MKX: variants seen among roughly 807,000 people sequenced by gnomAD.
The protein encoded by MKX is homeobox protein Mohawk.
A neutral mutation model predicts 36.0 loss-of-function variants in MKX; 13 were observed. The ratio of observed to expected loss-of-function variants is 0.36; its 90% CI spans 0.24 to 0.57. MKX has a LOEUF of 0.57. Among genes scored for constraint, MKX ranks in the 20% least tolerant of loss-of-function variants. The pLI is 0.79. For synonymous variants in MKX, 176 were observed against 178.3 expected, an observed-to-expected ratio of 0.99 and a Z score of 0.10; for missense variants, 458 against 456.4, an observed-to-expected ratio of 1.00 and a Z score of -0.03.
intron 5 of MKX, among the ~76,000 whole-genome samples, chr10:27,685,119 C>T (rs1836319145): frequency 6.6e-6 from 1 of 152,144 alleles, no homozygotes; most frequent in African/African-American, 2.4e-5. Flanking sequence ...GACTCAGTGC[C>T]AGGTCCCCTG....
chr10:27,739,125 T>C (rs1334550037), intron 3 of MKX, among the ~76,000 whole-genome samples: 1 of 152,116 alleles, frequency 6.6e-6, no homozygotes, highest in Non-Finnish European at 1.5e-5. Context: ...TACTCATTAC[T>C]CCTTGATAAG....
At position 27,673,434 on chromosome 10, in the gene MKX, T is replaced by C. The variant is rs1725678521; in HGVS notation, c.*1795A>G. 1.3e-5 allele frequency: 2 copies of C among 152,564 alleles called. No individual in the cohort carries two copies. The highest frequency in any genetic ancestry group is 4.1e-4 in the South Asian group (2 of 4,836). The allele number at this position is 152,564 out of a possible 1,614,324, so 9.5% of individuals were successfully genotyped here. On this transcript the variant is annotated 3_prime_UTR_variant, in exon 7 of 7. Coordinates refer to ENST00000419761, the MANE Select transcript of MKX (RefSeq NM_173576.3). Reference sequence around the variant, plus strand: ...TAATAGTATGAAAAAGAGTGAAGTATTTGTCTTTAGTTTTCATTGACATGC... The same window carrying C: ...TAATAGTATGAAAAAGAGTGAAGTACTTGTCTTTAGTTTTCATTGACATGC...
chr10:27,700,974 AT>A (rs1836641054), intron 5 of MKX, among the ~76,000 whole-genome samples: 1 of 152,150 alleles, frequency 6.6e-6, no homozygotes, highest in Non-Finnish European at 1.5e-5. Flanking sequence ...GTATATACCT[AT>A]TTTATTATTG....
chr10:27,709,037 T>C (rs1437103517), intron 5 of MKX, among the ~76,000 whole-genome samples: 1 of 151,164 alleles, frequency 6.6e-6, no homozygotes, highest in Non-Finnish European at 1.5e-5. Flanking sequence ...GGCATGGTGG[T>C]GGCTGCCTGT....
rs1184712843 is a variant in MKX, at chr10:27,741,405, C to G, written c.288G>C (p.Pro96=). 6.2e-7 allele frequency: 1 copy of G among 1,613,046 alleles called. No individual in the cohort carries two copies. Among genetic ancestry groups the G allele is most frequent in the Non-Finnish European group, 8.5e-7 (1 of 1,179,608 alleles). Residue 96 remains proline (P), a synonymous_variant, in exon 3 of 7, where the codon CCG becomes CCC. Transcript: ENST00000419761. This position sits in a 1 kb window ranked among gnomAD's most constrained non-coding sequence, Gnocchi z 5.1. ...GTATCTTCTCGGTCTTGGTGGGGTA[C>G]GGGTTGTCACGGTGCTTGTAAAGCC... is the stretch of plus-strand genomic sequence containing the variant. The part of the protein sequence containing the change: ...KQWLYKHRDN[P]YPTKTEKILL...
rs541250489 is a variant in MKX, at chr10:27,741,592, A to T, written c.189-88T>A. 1.4e-6 allele frequency: 2 copies of T among 1,434,562 alleles called. No homozygotes were observed. Among genetic ancestry groups the T allele is most frequent in the African/African-American group, 2.9e-5 (2 of 69,860 alleles). 88.9% of individuals were successfully genotyped at this position (1,434,562 alleles called of 1,614,324 possible). On this transcript the variant is annotated intron_variant, in intron 2 of 6. Transcript: ENST00000419761. This position sits in a 1 kb window ranked among gnomAD's most constrained non-coding sequence, Gnocchi z 5.1. ...CGCCCCGGCCAAGCCCGGGCCCCGC[A>T]TCCAAACTGCGCATTCCTGCCTTGC...
rs549929669 is a variant in MKX at position 27,701,512 on chromosome 10, A to G, written c.839-25958T>C. On this transcript the variant is annotated intron_variant, in intron 5 of 6. Transcript: ENST00000419761. ...ATATAATATAATATATAAAAGATAT[A>G]TTATATTTAATATCTTTGTATGTTT... Among the ~76,000 whole-genome samples, 8 of 145,754 alleles carry G rather than the reference A, an allele frequency of 5.5e-5. No homozygotes were observed. In the South Asian group the frequency reaches 1.1e-3, roughly 19 times the overall value.
chr10:27,701,811 T>TTG (rs558843357), intron 5 of MKX, among the ~76,000 whole-genome samples: 70 of 74,762 alleles, frequency 9.4e-4, no homozygotes, highest in African/African-American at 2.4e-3. Flanking sequence ...TACAGTTATT[T>TTG]TGTGTGTGTG....
intron 5 of MKX, among the ~76,000 whole-genome samples, chr10:27,710,237 C>G (rs1262979878): frequency 6.6e-6 from 1 of 152,164 alleles, no homozygotes; most frequent in East Asian, 1.9e-4. Context: ...TATAGCATTC[C>G]TGTGGAAGCA....
intron 5 of MKX, among the ~76,000 whole-genome samples, chr10:27,724,047 TC>T (rs1834434988): frequency 6.6e-6 from 1 of 152,226 alleles, no homozygotes; most frequent in Non-Finnish European, 1.5e-5. Flanking sequence ...GTTCTGTTTT[TC>T]CATTTTAATT....
intron 5 of MKX, among the ~76,000 whole-genome samples, chr10:27,725,276 G>A (rs954609736): frequency 2.6e-5 from 4 of 152,232 alleles, no homozygotes; most frequent in African/African-American, 7.2e-5. Flanking sequence ...TTAGTACAAT[G>A]AAACAGAGAA....
intron 5 of MKX, among the ~76,000 whole-genome samples, chr10:27,700,262 A>C (rs1191849254): frequency 6.6e-6 from 1 of 152,240 alleles, no homozygotes; most frequent in Non-Finnish European, 1.5e-5. Context: ...TTCAGGCAAC[A>C]TTTATTTCAG....
At chr10:27,717,290 A>G (rs909182688) in intron 5 of MKX, among the ~76,000 whole-genome samples, 6 of 152,208 alleles carry the variant, frequency 3.9e-5, no homozygotes, top group Non-Finnish European at 5.9e-5. Context: ...GGGCTCATAA[A>G]TGGGTGCTGT....
At chr10:27,725,425 C>A (rs1048442834) in intron 5 of MKX, among the ~76,000 whole-genome samples, 3 of 152,028 alleles carry the variant, frequency 2.0e-5, no homozygotes, top group East Asian at 1.9e-4. Context: ...GCAAAGTGAA[C>A]ACATTTATTA....
At chr10:27,696,607 T>A (rs996062600) in intron 5 of MKX, among the ~76,000 whole-genome samples, 2 of 152,116 alleles carry the variant, frequency 1.3e-5, no homozygotes, top group African/African-American at 4.8e-5. Flanking sequence ...TTGGAGAAGG[T>A]CACTTAAATT....
chr10:27,682,507 C>T (rs1836271004), intron 5 of MKX, among the ~76,000 whole-genome samples: 1 of 152,190 alleles, frequency 6.6e-6, no homozygotes, highest in African/African-American at 2.4e-5. Context: ...AAGCTCTGTT[C>T]ATGGTAAGTG....
chr10:27,741,647 TG>T lies in MKX; in HGVS notation c.189-144del, dbSNP rs1834901241. 2 of 940,098 alleles carry T rather than the reference TG, an allele frequency of 2.1e-6. No individual in the cohort carries two copies. The highest frequency in any genetic ancestry group is 3.0e-6 in the Non-Finnish European group (2 of 656,158). 58.2% of individuals were successfully genotyped at this position (940,098 alleles called of 1,614,324 possible). A position where few individuals can be genotyped will look rare whatever the true frequency, so the allele number is the denominator to read the frequency against. ...CTGCTTTGCGCGCGCCCAGAGTGTT[TG>T]GGAGAGGCAGGAAGTGGGAGCCACA... is the stretch of plus-strand genomic sequence containing the variant. On this transcript the variant is annotated intron_variant, in intron 2 of 6. Coordinates refer to ENST00000419761, the MANE Select transcript of MKX (RefSeq NM_173576.3). This position sits in a 1 kb window ranked among gnomAD's most constrained non-coding sequence, Gnocchi z 5.1.
intron 5 of MKX, among the ~76,000 whole-genome samples, chr10:27,720,391 A>G (rs1834351472): frequency 6.6e-6 from 1 of 152,096 alleles, no homozygotes; most frequent in Non-Finnish European, 1.5e-5. Context: ...AAATAATGTT[A>G]ATAAAGTGAA....
At chr10:27,690,985 C>T (rs1317960983) in intron 5 of MKX, among the ~76,000 whole-genome samples, 2 of 152,148 alleles carry the variant, frequency 1.3e-5, no homozygotes, top group South Asian at 2.1e-4. Context: ...CCTGCTCTTG[C>T]TCACTTTTCT....
Sources: allele counts gnomAD v4.1 joint callset (sites outside exome capture counted in the v4.1 genomes callset), GRCh38; gene constraint gnomAD v4.1.1; non-coding constraint Gnocchi (gnomAD v3.1); transcripts MANE v1.5; gene names NCBI Gene and HGNC (gene_info 2026-07-23, HGNC 2026-07-21).